Variants in MFRP observed in about 807,000 individuals in gnomAD.
MFRP encodes the protein membrane frizzled-related protein.
A neutral mutation model predicts 65.8 loss-of-function variants in MFRP; 74 were observed. The ratio of observed to expected loss-of-function variants is 1.12; its 90% CI spans 0.93 to 1.36. The LOEUF is 1.36. Ranked by LOEUF, MFRP falls within the 40% of genes most tolerant of loss-of-function variation. MFRP has a pLI of 0.00. For missense variants in MFRP, 838 were observed against 736.0 expected (o/e 1.14, Z -1.60); for synonymous variants, 336 against 288.3 (o/e 1.17, Z -1.68).
chr11:119,344,539 G>A, intron 7 of MFRP, 93 bp downstream of exon 7: 1 of 1,604,226 alleles, frequency 6.2e-7, no homozygotes, highest in South Asian at 1.1e-5. Context: ...AATGCTGACG[G>A]AGGGCCCGGT....
At position 119,339,502 on chromosome 11, in the gene MFRP, C is replaced by T; in HGVS notation, c.*1457G>A. Reference sequence around the variant, plus strand: ...TGGCCCCCCCCGAGAGCGAGGCTGGCTTGGGCCACCCCCCGAAAAACTGGA... The same window carrying T: ...TGGCCCCCCCCGAGAGCGAGGCTGGTTTGGGCCACCCCCCGAAAAACTGGA... On this transcript the variant is annotated 3_prime_UTR_variant, in exon 15 of 15. Coordinates refer to ENST00000619721, the MANE Select transcript of MFRP (RefSeq NM_031433.4). The surrounding 1 kb of genome is among the most constrained non-coding windows in gnomAD (Gnocchi z 5.4). The T allele has an allele frequency of 6.2e-7, 1 of 1,613,848 alleles. No homozygotes were observed. The highest frequency in any genetic ancestry group is 1.3e-5 in the African/African-American group (1 of 75,000).
Position 119,340,319 on chromosome 11 carries a change from G to A in MFRP, c.*975C>T. 1 of 1,542,570 alleles carries A rather than the reference G, an allele frequency of 6.5e-7. No homozygotes were observed. Among genetic ancestry groups the A allele is most frequent in the Non-Finnish European group, 8.7e-7 (1 of 1,144,878 alleles). On this transcript the variant is annotated 3_prime_UTR_variant, in exon 14 of 15. Coordinates refer to ENST00000619721, the MANE Select transcript of MFRP (RefSeq NM_031433.4). ...GGAAGGCCGGGGTGCCCCGGGCAGA[G>A]GCTGGGGATCTTGTTGTCGTCCAGT...
intron 4 of MFRP, 44 bp downstream of exon 4, chr11:119,345,729 T>C (rs1348973714): frequency 6.2e-7 from 1 of 1,612,742 alleles, no homozygotes; most frequent in South Asian, 1.1e-5. Context: ...CCCCACCCCG[T>C]CATCTTGGGC....
chr11:119,342,514 T>G, intron 11 of MFRP, 82 bp downstream of exon 11: 2 of 1,560,974 alleles, frequency 1.3e-6, no homozygotes, highest in Non-Finnish European at 1.7e-6. Context: ...GAGGTTGGGA[T>G]GGGACACTGT....
intron 14 of MFRP, 80 bp downstream of exon 14, chr11:119,340,104 A>G: frequency 7.0e-7 from 1 of 1,426,028 alleles, no homozygotes; most frequent in Non-Finnish European, 9.2e-7. Flanking sequence ...GGGAGACCCG[A>G]GTCCCGGACA....
At chr11:119,340,467 G>A in intron 13 of MFRP, 27 bp from the exon 14 acceptor site, 1 of 1,481,030 alleles carries the variant, frequency 6.8e-7, no homozygotes, top group Non-Finnish European at 9.1e-7. Flanking sequence ...ACTGGAGTCG[G>A]GACCCAGAAT....
intron 8 of MFRP, 118 bp downstream of exon 8, chr11:119,344,197 G>T: frequency 9.2e-7 from 1 of 1,092,298 alleles, no homozygotes; most frequent in Non-Finnish European, 1.4e-6. Context: ...CCGTCTGCTT[G>T]ATCTCTGACC....
chr11:119,345,371 G>C (rs1404890722), intron 5 of MFRP, 49 bp downstream of exon 5: 1 of 1,575,770 alleles, frequency 6.3e-7, no homozygotes, highest in African/African-American at 1.3e-5. Flanking sequence ...CTGCTCTTTA[G>C]ATAGTGGTTC....
rs756325658 is a variant in MFRP, at chr11:119,341,553, G to C, written c.1735C>G (p.Pro579Ala). ...EAADLEACAQ[P>A] ...GGCAGGGGCCGGCTTCAGGGTCAGG[G>C]CTGGGCACAAGCTTCCAGGTCAGCT... is the stretch of plus-strand genomic sequence containing the variant. Residue 579 changes from proline (P) to alanine (A), a missense_variant, in exon 13 of 15, where the codon CCC becomes GCC. Pro to Ala is a conservative substitution (Grantham distance 27). Transcript: ENST00000619721. 2 of 1,612,162 alleles carry C rather than the reference G, an allele frequency of 1.2e-6. No individual in the cohort carries two copies. Among genetic ancestry groups the C allele is most frequent in the East Asian group, 4.5e-5 (2 of 44,886 alleles).
chr11:119,344,084 G>A, intron 8 of MFRP, 120 bp from the exon 9 acceptor site: 4 of 1,367,444 alleles, frequency 2.9e-6, no homozygotes, highest in South Asian at 2.4e-5. Context: ...TTCATCATTG[G>A]TGGTTCTTAA....
At position 119,344,631 on chromosome 11, in the gene MFRP, C is replaced by A. The variant is rs1436269832; in HGVS notation, c.898+1G>T. 1 of 1,614,044 alleles carries A rather than the reference C, an allele frequency of 6.2e-7. No individual in the cohort carries two copies. Among genetic ancestry groups the A allele is most frequent in the Admixed American group, 1.7e-5 (1 of 60,030 alleles). On this transcript the variant is annotated splice_donor_variant, in intron 7 of 14. Coordinates refer to ENST00000619721, the MANE Select transcript of MFRP (RefSeq NM_031433.4). LOFTEE classifies it high-confidence loss of function. ...AGAGGACCCCCATGCCTGGCCCGTA[C>A]CCGAGAACTTGGCACTGCAATTGGT...
In MFRP at chr11:119,341,773, C is replaced by T; in HGVS notation, c.1516-1G>A. 1.2e-6 allele frequency: 2 copies of T among 1,613,254 alleles called. No individual in the cohort carries two copies. The highest frequency in any genetic ancestry group is 1.7e-6 in the Non-Finnish European group (2 of 1,180,012). Reference sequence around the variant, plus strand: ...GGTAGCAGGGCAGGCTTGTCAGGCTCTGCGGAGGGAGAGTGGCCTTCAGGC... The same window carrying T: ...GGTAGCAGGGCAGGCTTGTCAGGCTTTGCGGAGGGAGAGTGGCCTTCAGGC... On this transcript the variant is annotated splice_acceptor_variant, in intron 12 of 14. Coordinates refer to ENST00000619721, the MANE Select transcript of MFRP (RefSeq NM_031433.4). LOFTEE classifies it high-confidence loss of function.
At chr11:119,346,013 A>G in intron 3 of MFRP, 33 bp downstream of exon 3, 1 of 1,612,966 alleles carries the variant, frequency 6.2e-7, no homozygotes, top group South Asian at 1.1e-5. Flanking sequence ...TTCATTCCAA[A>G]GCCCTCGTTT....
intron 9 of MFRP, 140 bp downstream of exon 9, chr11:119,343,676 G>A: frequency 1.9e-6 from 2 of 1,049,490 alleles, no homozygotes; most frequent in Admixed American, 1.8e-5. Context: ...CTGTCTTTAG[G>A]GTGATGGTGA....
In MFRP at chr11:119,340,544, T is replaced by A; in HGVS notation, c.*854-104A>T. ...GGTCCCCACCCCACTGCCGTGCCCC[T>A]GAGGCTGAGCGCTCGCAGGGCCGAG... On this transcript the variant is annotated intron_variant, in intron 13 of 14. Coordinates refer to ENST00000619721, the MANE Select transcript of MFRP (RefSeq NM_031433.4). 2 of 832,142 alleles carry A rather than the reference T, an allele frequency of 2.4e-6. 1 individual carries two copies. The highest frequency in any genetic ancestry group is 3.7e-6 in the Non-Finnish European group (2 of 542,984). 51.5% of individuals were successfully genotyped at this position (832,142 alleles called of 1,614,324 possible).
chr11:119,346,268 T>G lies in MFRP; in HGVS notation c.157+4A>C. 1 of 1,610,940 alleles carries G rather than the reference T, an allele frequency of 6.2e-7. No individual in the cohort carries two copies. Among genetic ancestry groups the G allele is most frequent in the Non-Finnish European group, 8.5e-7 (1 of 1,178,552 alleles). ...TCCCCCAGGTCACCCCCTGGGATGG[T>G]TACCATGCCAGGGAGCTGGGACGCT... On this transcript the variant is annotated splice_donor_region_variant and intron_variant, in intron 2 of 14. Coordinates refer to ENST00000619721, the MANE Select transcript of MFRP (RefSeq NM_031433.4).
At position 119,344,393 on chromosome 11, in the gene MFRP, T is replaced by A. The variant is rs1245503127; in HGVS notation, c.899-2A>T. On this transcript the variant is annotated splice_acceptor_variant, in intron 7 of 14. Transcript: ENST00000619721. LOFTEE classifies it high-confidence loss of function. ...GGCCAGTCAGATTCCCCCCACACCC[T>A]GTAGAGAGGTGGAAGGGCTCATGAG... 2 of 1,613,018 alleles carry A rather than the reference T, an allele frequency of 1.2e-6. No homozygotes were observed. The highest frequency in any genetic ancestry group is 1.7e-6 in the Non-Finnish European group (2 of 1,179,540).
chr11:119,344,356 A>G lies in MFRP; in HGVS notation c.934T>C (p.Phe312Leu), dbSNP rs766113208. The stretch of plus-strand genomic sequence containing the variant: ...TGCTGCAGGTAGCTGGGAGTAGAGA[A>G]AGTGCCCTGGAGGCCAGTCAGATTC... ...GGNLTGLQGT[F>L]STPSYLQQYP... is the part of the protein sequence containing the mutation. Residue 312 changes from phenylalanine to leucine, a missense_variant, in exon 8 of 15, where the codon TTC becomes CTC. Phe to Leu is a conservative substitution (Grantham distance 22). Transcript: ENST00000619721. 53 of 1,613,874 alleles carry G rather than the reference A, an allele frequency of 3.3e-5. 1 individual carries two copies. In the South Asian group the frequency reaches 4.9e-4, roughly 15 times the overall value.
At position 119,339,742 on chromosome 11, in the gene MFRP, G is replaced by C; in HGVS notation, c.*1217C>G. 6 of 1,596,884 alleles carry C rather than the reference G, an allele frequency of 3.8e-6. No individual in the cohort carries two copies. The highest frequency in any genetic ancestry group is 5.1e-6 in the Non-Finnish European group (6 of 1,177,688). ...GCACCCGGCTCTCGGAGCGCTTGGCGCTGAAGGCGGATCGCGGAGGCACCG... is the reference window on the plus strand; with the variant it reads ...GCACCCGGCTCTCGGAGCGCTTGGCCCTGAAGGCGGATCGCGGAGGCACCG... On this transcript the variant is annotated 3_prime_UTR_variant, in exon 15 of 15. Coordinates refer to ENST00000619721, the MANE Select transcript of MFRP (RefSeq NM_031433.4). The surrounding 1 kb of genome is among the most constrained non-coding windows in gnomAD (Gnocchi z 5.4).
Sources: gnomAD v4.1 joint callset for allele counts on GRCh38, gnomAD v4.1.1 for gene constraint, Gnocchi (gnomAD v3.1) non-coding constraint, MANE v1.5 for transcripts, NCBI Gene and HGNC (gene_info 2026-07-23, HGNC 2026-07-21) for gene names.